Variants in ZNF385D observed in about 807,000 individuals in gnomAD.
The protein encoded by ZNF385D is zinc finger protein 385D.
Under a neutral mutation model 35.8 loss-of-function variants are expected in ZNF385D, and 15 were observed. The ratio of observed to expected loss-of-function variants is 0.42; its 90% CI spans 0.28 to 0.64. The LOEUF (loss-of-function observed/expected upper bound fraction) is 0.64, where lower values mean the gene tolerates loss of function less well. Ranked by LOEUF, ZNF385D falls within the 30% of genes least tolerant of loss-of-function variation. ZNF385D has a pLI of 0.23. For synonymous variants in ZNF385D, 212 were observed against 186.8 expected, an observed-to-expected ratio of 1.13 and a Z score of -1.10; for missense variants, 474 against 494.6, an observed-to-expected ratio of 0.96 and a Z score of 0.39.
At position 21,417,422 on chromosome 3, in the gene ZNF385D, A is replaced by C. The variant is rs1700578042; in HGVS notation, c.*3792T>G. On this transcript the variant is annotated 3_prime_UTR_variant, in exon 8 of 8. Coordinates refer to ENST00000281523, the MANE Select transcript of ZNF385D (RefSeq NM_024697.3). ...ACTTCATGCGGCTTTTGGGTGAACAAAGTTATTAATACAATGTCATCCATG... is the reference window on the plus strand; with the variant it reads ...ACTTCATGCGGCTTTTGGGTGAACACAGTTATTAATACAATGTCATCCATG... 6.6e-6 allele frequency: 1 copy of C among 152,042 alleles called. No homozygotes were observed. The highest frequency in any genetic ancestry group is 2.1e-4 in the South Asian group (1 of 4,822). The allele number at this position is 152,042 out of a possible 1,614,324, so 9.4% of individuals were successfully genotyped here.
chr3:21,497,076 A>G (rs536938543), intron 4 of ZNF385D, among the ~76,000 whole-genome samples: 1 of 152,224 alleles, frequency 6.6e-6, no homozygotes, highest in African/African-American at 2.4e-5. Context: ...AAAGAAAGAA[A>G]AGGCATCTAA....
chr3:22,077,700 C>T (rs923770202), intron 3 of ZNF385D, among the ~76,000 whole-genome samples: 10 of 151,924 alleles, frequency 6.6e-5, no homozygotes, highest in Non-Finnish European at 1.2e-4. Context: ...AGATGCTTCT[C>T]GGCAGATGTT....
intron 1 of ZNF385D, among the ~76,000 whole-genome samples, chr3:21,743,394 A>G (rs1041415327): frequency 7.2e-5 from 11 of 152,250 alleles, no homozygotes; most frequent in Admixed American, 5.2e-4. Context: ...GAAAGCCTGG[A>G]TCCTTCCTGC....
chr3:21,660,399 G>A (rs1247498567), intron 2 of ZNF385D, among the ~76,000 whole-genome samples: 4 of 152,084 alleles, frequency 2.6e-5, no homozygotes, highest in Admixed American at 6.6e-5. Flanking sequence ...TCTGGCATCT[G>A]CAGGCACAGG....
At chr3:21,607,473 T>C (rs1030921480) in intron 2 of ZNF385D, among the ~76,000 whole-genome samples, 7 of 152,162 alleles carry the variant, frequency 4.6e-5, no homozygotes, top group Non-Finnish European at 7.3e-5. Context: ...ATTTTTCTAC[T>C]GCTCTATCAT....
intron 3 of ZNF385D, among the ~76,000 whole-genome samples, chr3:22,138,966 T>C (rs1018898321): frequency 2.0e-5 from 3 of 151,976 alleles, no homozygotes; most frequent in Non-Finnish European, 4.4e-5. Context: ...CCAACAAATT[T>C]ACAAGAAAAA....
intron 2 of ZNF385D, among the ~76,000 whole-genome samples, chr3:22,170,789 T>A (rs1576439624): frequency 6.6e-6 from 1 of 152,210 alleles, no homozygotes; most frequent in African/African-American, 2.4e-5. Flanking sequence ...TGTCTAGAGT[T>A]GATTTATGCT....
chr3:21,597,687 T>C (rs2064165159), intron 2 of ZNF385D, among the ~76,000 whole-genome samples: 1 of 152,172 alleles, frequency 6.6e-6, no homozygotes, highest in African/African-American at 2.4e-5. Context: ...CAAGAAAGCA[T>C]TTTCAGCCAA....
rs2065766824 is a variant in ZNF385D at position 21,646,866 on chromosome 3, C to T, written c.165+18020G>A. Among the ~76,000 whole-genome samples the T allele has an allele frequency of 6.6e-6, 1 of 152,200 alleles. No individual in the cohort carries two copies. The highest frequency in any genetic ancestry group is 1.5e-5 in the Non-Finnish European group (1 of 68,030). On this transcript the variant is annotated intron_variant, in intron 2 of 7. Coordinates refer to ENST00000281523, the MANE Select transcript of ZNF385D (RefSeq NM_024697.3). The surrounding 1 kb of genome is among the most constrained non-coding windows in gnomAD (Gnocchi z 4.3). ...CTGTAATGGCAGTCCTATCCAGCCC[C>T]TCTCTGTCTGATGCTAAGGCTCAAT...
intron 3 of ZNF385D, among the ~76,000 whole-genome samples, chr3:21,913,841 C>A (rs993302346): frequency 2.0e-5 from 3 of 152,054 alleles, no homozygotes; most frequent in African/African-American, 4.8e-5. Context: ...TCATAATGAT[C>A]CATCTGTCTA....
chr3:21,661,351 C>G (rs944277587), intron 2 of ZNF385D, among the ~76,000 whole-genome samples: 8 of 152,154 alleles, frequency 5.3e-5, no homozygotes, highest in African/African-American at 1.9e-4. Context: ...CCTTATTTGT[C>G]AACTTCACCT....
At chr3:21,730,559 G>C (rs919349619) in intron 1 of ZNF385D, among the ~76,000 whole-genome samples, 2 of 152,190 alleles carry the variant, frequency 1.3e-5, no homozygotes, top group Non-Finnish European at 2.9e-5. Flanking sequence ...GTCAGGCACT[G>C]TCTAATGCTA....
At chr3:22,231,627 C>A (rs141954129) in intron 2 of ZNF385D, among the ~76,000 whole-genome samples, 200 of 152,160 alleles carry the variant, frequency 1.3e-3, no homozygotes, top group African/African-American at 4.6e-3. Context: ...GCTATGAGAT[C>A]CTTTTCTGTG....
At chr3:21,782,808 G>A (rs1034839227) in intron 3 of ZNF385D, among the ~76,000 whole-genome samples, 1 of 152,046 alleles carries the variant, frequency 6.6e-6, no homozygotes, top group African/African-American at 2.4e-5. Context: ...AAAATGCATT[G>A]AAATAATAAA....
intron 3 of ZNF385D, among the ~76,000 whole-genome samples, chr3:22,020,327 A>T (rs1189401018): frequency 6.6e-6 from 1 of 151,872 alleles, no homozygotes; most frequent in Non-Finnish European, 1.5e-5. Flanking sequence ...TATGTTGGTG[A>T]AAGCTTTTTT....
intron 3 of ZNF385D, among the ~76,000 whole-genome samples, chr3:21,836,373 T>C (rs923945359): frequency 3.3e-5 from 5 of 152,122 alleles, no homozygotes; most frequent in African/African-American, 9.7e-5. Context: ...ACTTAGGACA[T>C]AGATACCTTT....
chr3:22,153,461 CTTCT>C (rs543342652), intron 3 of ZNF385D, among the ~76,000 whole-genome samples: 1,804 of 119,470 alleles, frequency 0.015, 11 homozygotes, highest in African/African-American at 0.036. Context: ...CCATGAAATT[CTTCT>C]TTTTTTTTTT....
chr3:21,776,346 C>G (rs2071286580), intron 3 of ZNF385D, among the ~76,000 whole-genome samples: 1 of 151,884 alleles, frequency 6.6e-6, no homozygotes, highest in Admixed American at 6.6e-5. Flanking sequence ...TGTTCAATTG[C>G]TCTCTCAAAA....
intron 2 of ZNF385D, among the ~76,000 whole-genome samples, chr3:22,360,485 T>C (rs1696361686): frequency 6.6e-6 from 1 of 151,978 alleles, no homozygotes; most frequent in African/African-American, 2.4e-5. Flanking sequence ...CACTCTGTTT[T>C]CTATATACTC....
Sources: allele counts gnomAD v4.1 joint callset (sites outside exome capture counted in the v4.1 genomes callset), GRCh38; gene constraint gnomAD v4.1.1; non-coding constraint Gnocchi (gnomAD v3.1); transcripts MANE v1.5; gene names NCBI Gene and HGNC (gene_info 2026-07-23, HGNC 2026-07-21).